Variants in EXOC3L2 observed in about 807,000 individuals in gnomAD.
EXOC3L2 encodes exocyst complex component 3-like protein 2.
Under a neutral mutation model 44.4 loss-of-function variants are expected in EXOC3L2, and 17 were observed. That is an observed-to-expected ratio of 0.38 (90% CI 0.26 to 0.57). The LOEUF (loss-of-function observed/expected upper bound fraction) is 0.57, where lower values mean the gene tolerates loss of function less well. EXOC3L2 is among the 20% of genes least tolerant of loss of function. The pLI is 0.65. For missense variants in EXOC3L2, 541 were observed against 588.4 expected (o/e 0.92, Z 0.83); for synonymous variants, 256 against 253.7 (o/e 1.01, Z -0.09).
At chr19:45,231,656 A>G (rs1970032935) in intron 4 of EXOC3L2, 107 bp downstream of exon 4, 1 of 964,444 alleles carries the variant, frequency 1.0e-6, no homozygotes, top group South Asian at 1.6e-5. Context: ...GTAAAGGGAA[A>G]AGGGAGTTGG....
At chr19:45,220,128 A>G (rs1030860207) in intron 8 of EXOC3L2, among the ~76,000 whole-genome samples, 1 of 152,208 alleles carries the variant, frequency 6.6e-6, no homozygotes, top group Non-Finnish European at 1.5e-5. Flanking sequence ...AGCTGAGATC[A>G]AGCCATTGCA....
intron 2 of EXOC3L2, among the ~76,000 whole-genome samples, chr19:45,235,636 G>A (rs1176669855): frequency 6.6e-6 from 1 of 152,134 alleles, no homozygotes; most frequent in Non-Finnish European, 1.5e-5. Flanking sequence ...GAGGGTCCTG[G>A]CAGCCCAGGG....
chr19:45,217,418 TTC>T (rs1969846647), intron 10 of EXOC3L2, 108 bp downstream of exon 10: 1 of 1,307,704 alleles, frequency 7.6e-7, no homozygotes, highest in Non-Finnish European at 1.0e-6. Context: ...GGGTGAGAGT[TTC>T]TGTCCTGAGC....
chr19:45,216,263 G>T, intron 10 of EXOC3L2, 69 bp from the exon 11 acceptor site: 1 of 1,571,296 alleles, frequency 6.4e-7, no homozygotes, highest in Non-Finnish European at 8.6e-7. Context: ...GCCCCTCCTG[G>T]CTTGTTATAC....
chr19:45,235,984 G>C (rs1970080552), intron 2 of EXOC3L2, among the ~76,000 whole-genome samples: 1 of 152,114 alleles, frequency 6.6e-6, no homozygotes, highest in South Asian at 2.1e-4. Context: ...ACACGGATGG[G>C]GATAGGGCCG....
At chr19:45,239,085 G>A (rs1408925687) in intron 1 of EXOC3L2, 24 bp from the exon 2 acceptor site, 1 of 398,896 alleles carries the variant, frequency 2.5e-6, no homozygotes, top group Admixed American at 4.4e-5. Flanking sequence ...TAATGACCAT[G>A]GGCGATGCTG....
Position 45,217,659 on chromosome 19 carries a change from G to T in EXOC3L2, c.1867C>A (p.Arg623=), listed in dbSNP as rs1207595465. 2.8e-6 allele frequency: 4 copies of T among 1,419,880 alleles called. No individual in the cohort carries two copies. Among genetic ancestry groups the T allele is most frequent in the South Asian group, 3.0e-5 (2 of 66,460 alleles). The allele number at this position is 1,419,880 out of a possible 1,614,324, so 88.0% of individuals were successfully genotyped here. The part of the protein sequence containing the change: ...YQALVAELHR[R]ALVEYVRPLL... ...GGCCGCACGTACTCGACCAGCGCCC[G>T]CCGGTGTAGCTCGGCTACCAGCGCC... The change falls in exon 10 of 12, where the codon CGG becomes AGG. Residue 623 remains arginine (R), a synonymous_variant. Coordinates refer to ENST00000413988, the MANE Select transcript of EXOC3L2 (RefSeq NM_001382422.1).
rs759363137 is a variant in EXOC3L2, at chr19:45,228,091, G to C, written c.1372-17C>G. Reference sequence around the variant, plus strand: ...TTCCAGCAGCTGTGAGGTCCAGGGCGACAAGAAGAGGTGAGGAGGGGCAAG... The same window carrying C: ...TTCCAGCAGCTGTGAGGTCCAGGGCCACAAGAAGAGGTGAGGAGGGGCAAG... On this transcript the variant is annotated splice_polypyrimidine_tract_variant and intron_variant, in intron 5 of 11. Coordinates refer to ENST00000413988, the MANE Select transcript of EXOC3L2 (RefSeq NM_001382422.1). 1 of 1,613,930 alleles carries C rather than the reference G, an allele frequency of 6.2e-7. No individual in the cohort carries two copies. The highest frequency in any genetic ancestry group is 1.3e-5 in the African/African-American group (1 of 74,892).
At chr19:45,245,128 C>G (rs1383855385) in intron 1 of EXOC3L2, among the ~76,000 whole-genome samples, 1 of 151,946 alleles carries the variant, frequency 6.6e-6, no homozygotes, top group African/African-American at 2.4e-5. Context: ...TCCTCAAATT[C>G]TCCCCTGCAC....
chr19:45,235,435 AGG>A (rs1970074718), intron 2 of EXOC3L2, among the ~76,000 whole-genome samples: 1 of 151,982 alleles, frequency 6.6e-6, no homozygotes, highest in Non-Finnish European at 1.5e-5. Flanking sequence ...GAGCCACGTA[AGG>A]GGGAGAGAGA....
At chr19:45,239,510 C>T (rs372794135) in intron 1 of EXOC3L2, among the ~76,000 whole-genome samples, 1 of 149,506 alleles carries the variant, frequency 6.7e-6, no homozygotes, top group African/African-American at 2.5e-5. Flanking sequence ...GCCACCGCGC[C>T]TTGCCTCTTT....
At chr19:45,228,800 G>A (rs935606992) in intron 4 of EXOC3L2, among the ~76,000 whole-genome samples, 4 of 148,170 alleles carry the variant, frequency 2.7e-5, no homozygotes, top group Admixed American at 6.9e-5. Flanking sequence ...GGCTGGGCGC[G>A]GTGGCTCACG....
Position 45,218,240 on chromosome 19 carries a change from G to A in EXOC3L2, c.1799C>T (p.Ala600Val). 1 of 1,604,702 alleles carries A rather than the reference G, an allele frequency of 6.2e-7. No homozygotes were observed. Among genetic ancestry groups the A allele is most frequent in the Non-Finnish European group, 8.5e-7 (1 of 1,176,922 alleles). The part of the protein sequence containing the change: ...ALDGIVGTLG[A>V]QALALRRMQD... ...CATTCTGCGCAGGGCCAGGGCCTGG[G>A]CACCCAGCGTGCCCACGATGCCATC... The change falls in exon 9 of 12, where the codon GCC (alanine) becomes GTC (valine). Residue 600 changes from alanine (A) to valine (V), a missense_variant. Transcript: ENST00000413988.
At chr19:45,213,897 T>C (rs1477867435) in intron 11 of EXOC3L2, among the ~76,000 whole-genome samples, 1 of 151,776 alleles carries the variant, frequency 6.6e-6, no homozygotes, top group Non-Finnish European at 1.5e-5. Flanking sequence ...GAGGTTGCAG[T>C]GAGCTGAGAT....
chr19:45,226,757 T>A, intron 7 of EXOC3L2, among the ~76,000 whole-genome samples: 1 of 134,600 alleles, frequency 7.4e-6, no homozygotes, highest in African/African-American at 3.1e-5. Flanking sequence ...CTTTTTTTTT[T>A]TTTTTTTTTT....
rs145422378 is a variant in EXOC3L2, at chr19:45,224,812, C to T, written c.1685G>A (p.Arg562His). The change falls in exon 8 of 12, where the codon CGT (arginine) becomes CAT (histidine). Residue 562 changes from arginine to histidine, a missense_variant. Coordinates refer to ENST00000413988, the MANE Select transcript of EXOC3L2 (RefSeq NM_001382422.1). ...ALDHVTRLCHRVVANLLFQEL... is the reference protein window; with the variant it reads ...ALDHVTRLCHHVVANLLFQEL... ...CTGGAACAGCAGGTTGGCCACGACA[C>T]GGTGGCAGAGCCGGGTCACATGGTC... 5.5e-5 allele frequency: 87 copies of T among 1,573,596 alleles called. No individual in the cohort carries two copies. The highest frequency in any genetic ancestry group is 3.8e-4 in the African/African-American group (28 of 73,928).
intron 7 of EXOC3L2, among the ~76,000 whole-genome samples, chr19:45,225,180 G>A (rs1231787984): frequency 6.9e-6 from 1 of 145,690 alleles, no homozygotes; most frequent in African/African-American, 2.6e-5. Context: ...TTGGGGGAGG[G>A]AAGGGGGGTC....
chr19:45,214,804 G>T (rs1969816279), intron 11 of EXOC3L2, among the ~76,000 whole-genome samples: 1 of 152,020 alleles, frequency 6.6e-6, no homozygotes, highest in Admixed American at 6.6e-5. Flanking sequence ...TACTGCCTGG[G>T]TTCAAGTTCC....
At chr19:45,226,826 C>T (rs537470085) in intron 7 of EXOC3L2, among the ~76,000 whole-genome samples, 2 of 145,894 alleles carry the variant, frequency 1.4e-5, no homozygotes, top group South Asian at 4.4e-4. Context: ...GATCTCAGCT[C>T]GCTGCAAGCT....
Sources: gnomAD v4.1 joint callset for allele counts (sites outside exome capture counted in the v4.1 genomes callset) on GRCh38, gnomAD v4.1.1 for gene constraint, MANE v1.5 for transcripts, NCBI Gene and HGNC (gene_info 2026-07-23, HGNC 2026-07-21) for gene names.